The following PAPSS1 variants were observed in gnomAD, a reference collection of about 807,000 sequenced individuals.
The protein encoded by PAPSS1 is 3'-phosphoadenosine 5'-phosphosulfate synthase 1, also known as bifunctional 3'-phosphoadenosine 5'-phosphosulfate synthase 1.
PAPSS1 carries 50 observed loss-of-function variants against 72.0 expected under a neutral mutation model. The observed-to-expected ratio is 0.69, with a 90% CI of 0.55 to 0.88. The LOEUF (loss-of-function observed/expected upper bound fraction) is 0.88, where lower values mean the gene tolerates loss of function less well. Among genes scored for constraint, PAPSS1 ranks in the 40% least tolerant of loss-of-function variants. PAPSS1 has a pLI of 0.00. For synonymous variants in PAPSS1, 261 were observed against 263.6 expected, an observed-to-expected ratio of 0.99 and a Z score of 0.09; for missense variants, 657 against 782.2, an observed-to-expected ratio of 0.84 and a Z score of 1.91.
At chr4:107,630,994 C>T (rs1303551795) in intron 11 of PAPSS1, among the ~76,000 whole-genome samples, 1 of 148,870 alleles carries the variant, frequency 6.7e-6, no homozygotes, top group African/African-American at 2.5e-5. Context: ...GCTCAATGTA[C>T]ACAAATTGTT....
rs1366056943 is a variant in PAPSS1, at chr4:107,660,081, C to T, written c.670-9G>A. The T allele has an allele frequency of 8.1e-7, 1 of 1,239,296 alleles. No individual in the cohort carries two copies. The highest frequency in any genetic ancestry group is 1.2e-6 in the Non-Finnish European group (1 of 863,374). 76.8% of individuals were successfully genotyped at this position (1,239,296 alleles called of 1,614,324 possible). A position where few individuals can be genotyped will look rare whatever the true frequency, so the allele number is the denominator to read the frequency against. On this transcript the variant is annotated splice_polypyrimidine_tract_variant and intron_variant, in intron 5 of 11. Coordinates refer to ENST00000265174, the MANE Select transcript of PAPSS1 (RefSeq NM_005443.5). ...TCCACAGGTACAATATCCTATATAACAACAGGAGTACAATTTAAATGTTTG... is the reference window on the plus strand; with the variant it reads ...TCCACAGGTACAATATCCTATATAATAACAGGAGTACAATTTAAATGTTTG...
At chr4:107,670,302 T>C (rs1423901574) in intron 5 of PAPSS1, among the ~76,000 whole-genome samples, 2 of 152,112 alleles carry the variant, frequency 1.3e-5, no homozygotes, top group Non-Finnish European at 2.9e-5. Flanking sequence ...TTAGTATCCA[T>C]ATACAAGGAA....
intron 5 of PAPSS1, among the ~76,000 whole-genome samples, chr4:107,680,956 T>C (rs1229170765): frequency 6.6e-6 from 1 of 152,152 alleles, no homozygotes; most frequent in African/African-American, 2.4e-5. Context: ...CTACAATGTT[T>C]GGATAAAATA....
intron 10 of PAPSS1, among the ~76,000 whole-genome samples, chr4:107,637,647 CATTT>C (rs1261930401): frequency 6.6e-6 from 1 of 152,142 alleles, no homozygotes; most frequent in Non-Finnish European, 1.5e-5. Context: ...CCAAAATCTG[CATTT>C]ATTTAAGTGT....
chr4:107,684,979 C>T (rs1447941905), intron 4 of PAPSS1, among the ~76,000 whole-genome samples: 2 of 152,070 alleles, frequency 1.3e-5, no homozygotes, highest in Non-Finnish European at 2.9e-5. Context: ...AATTTCGGCT[C>T]ACTGCAAGCT....
intron 5 of PAPSS1, among the ~76,000 whole-genome samples, chr4:107,680,723 G>A (rs1490734590): frequency 1.3e-5 from 2 of 152,302 alleles, no homozygotes; most frequent in East Asian, 3.9e-4. Flanking sequence ...TGAAAGAATG[G>A]ATGCTGGGAC....
intron 5 of PAPSS1, among the ~76,000 whole-genome samples, chr4:107,670,681 C>T (rs1727444826): frequency 6.6e-6 from 1 of 152,016 alleles, no homozygotes; most frequent in Non-Finnish European, 1.5e-5. Flanking sequence ...TGGGATGTGC[C>T]ACCACACCTG....
At chr4:107,673,888 A>G (rs1485198858) in intron 5 of PAPSS1, among the ~76,000 whole-genome samples, 1 of 152,246 alleles carries the variant, frequency 6.6e-6, no homozygotes, top group Non-Finnish European at 1.5e-5. Context: ...GTGGGGGCCA[A>G]TATTCAACAT....
At chr4:107,634,942 C>T (rs1268733098) in intron 10 of PAPSS1, among the ~76,000 whole-genome samples, 5 of 151,344 alleles carry the variant, frequency 3.3e-5, no homozygotes, top group South Asian at 2.1e-4. Flanking sequence ...GGACTACAGG[C>T]GCCCGCTACC....
intron 11 of PAPSS1, among the ~76,000 whole-genome samples, chr4:107,628,243 T>A (rs1255481168): frequency 6.6e-6 from 1 of 152,224 alleles, no homozygotes; most frequent in African/African-American, 2.4e-5. Flanking sequence ...ATTTCTGTCA[T>A]TAATGAGAAA....
chr4:107,655,463 C>T (rs1270260702), intron 7 of PAPSS1, among the ~76,000 whole-genome samples: 2 of 152,040 alleles, frequency 1.3e-5, no homozygotes, highest in Non-Finnish European at 2.9e-5. Flanking sequence ...CTATCACTAA[C>T]CAAGAAATAA....
intron 5 of PAPSS1, among the ~76,000 whole-genome samples, chr4:107,667,292 T>C (rs1727345488): frequency 6.6e-6 from 1 of 152,074 alleles, no homozygotes; most frequent in South Asian, 2.1e-4. Context: ...TCCCTGCACA[T>C]CTCTTCCATC....
At chr4:107,651,032 T>C (rs564936816) in intron 9 of PAPSS1, among the ~76,000 whole-genome samples, 64 of 152,334 alleles carry the variant, frequency 4.2e-4, no homozygotes, top group Non-Finnish European at 7.6e-4. Context: ...CATTCCTGTA[T>C]ACTGGGCCTA....
chr4:107,662,382 G>C (rs1192927209), intron 5 of PAPSS1, among the ~76,000 whole-genome samples: 1 of 152,156 alleles, frequency 6.6e-6, no homozygotes, highest in East Asian at 1.9e-4. Context: ...TGTTTACTGA[G>C]GGTAAATAAT....
intron 1 of PAPSS1, among the ~76,000 whole-genome samples, chr4:107,703,574 G>A (rs901717298): frequency 2.0e-4 from 31 of 151,800 alleles, no homozygotes; most frequent in African/African-American, 4.1e-4. Context: ...TCTTCTTCAC[G>A]CAGATATCCA....
chr4:107,640,217 T>C (rs531568756), intron 10 of PAPSS1, among the ~76,000 whole-genome samples: 70 of 152,282 alleles, frequency 4.6e-4, no homozygotes, highest in African/African-American at 1.7e-3. Flanking sequence ...AAAGACAAAA[T>C]GTGTATCTAT....
At chr4:107,627,351 G>A (rs1023177139) in intron 11 of PAPSS1, among the ~76,000 whole-genome samples, 2 of 152,052 alleles carry the variant, frequency 1.3e-5, no homozygotes, top group African/African-American at 2.4e-5. Context: ...GCAACTTAAG[G>A]AAGTTAATCC....
chr4:107,619,179 A>G (rs1404683241), intron 11 of PAPSS1, among the ~76,000 whole-genome samples: 3 of 152,228 alleles, frequency 2.0e-5, no homozygotes, highest in African/African-American at 7.2e-5. Flanking sequence ...AGCCAGACCA[A>G]TTAAAGTCCT....
intron 4 of PAPSS1, among the ~76,000 whole-genome samples, chr4:107,683,608 T>C (rs1466289955): frequency 1.3e-5 from 2 of 152,156 alleles, no homozygotes; most frequent in African/African-American, 4.8e-5. Context: ...TACTAGATAA[T>C]TTATCCATAA....
Sources: gnomAD v4.1 joint callset for allele counts (sites outside exome capture counted in the v4.1 genomes callset) on GRCh38, gnomAD v4.1.1 for gene constraint, MANE v1.5 for transcripts, NCBI Gene and HGNC (gene_info 2026-07-23, HGNC 2026-07-21) for gene names.